Variants in TTC3 observed in about 807,000 individuals in gnomAD.
TTC3 encodes tetratricopeptide repeat domain 3.
A neutral mutation model predicts 249.6 loss-of-function variants in TTC3; 180 were observed. The ratio of observed to expected loss-of-function variants is 0.72; its 90% CI spans 0.64 to 0.82. TTC3 has a LOEUF of 0.82. Ranked by LOEUF, TTC3 falls within the 40% of genes least tolerant of loss-of-function variation. The probability of loss-of-function intolerance (pLI) is 0.00; values close to 1 mark genes in which losing one functional copy is unlikely to be tolerated. For synonymous variants in TTC3, 717 were observed against 805.0 expected (o/e 0.89, Z 1.85); for missense variants, 2,061 against 2,398.4 (o/e 0.86, Z 2.94).
rs1049476744 is a variant in TTC3 at position 37,148,746 on chromosome 21, A to G, written c.2118+99A>G. 4.2e-6 allele frequency: 3 copies of G among 707,586 alleles called. No individual in the cohort carries two copies. In the African/African-American group the frequency reaches 5.6e-5, roughly 13 times the overall value. The allele number at this position is 707,586 out of a possible 1,614,324, so 43.8% of individuals were successfully genotyped here. On this transcript the variant is annotated intron_variant, in intron 23 of 45. Coordinates refer to ENST00000355666, the Ensembl canonical transcript of TTC3. ...CCTGAACATTCTGCACATAATTAGA[A>G]AATTTTAAATTATAACTTTAATAAT...
rs564322623 is a variant in TTC3 at position 37,139,308 on chromosome 21, A to T, written c.1659+594A>T. On this transcript the variant is annotated intron_variant, in intron 19 of 45. Transcript: ENST00000355666. ...TAGATTGCAGGCTTCCTATAACTGC[A>T]TGTAGTCAGTGTATAGACATGAGCT... is the stretch of plus-strand genomic sequence containing the variant. Among the ~76,000 whole-genome samples, 4 of 152,276 alleles carry T rather than the reference A, an allele frequency of 2.6e-5. No individual in the cohort carries two copies. The East Asian group carries it at 7.7e-4, about 29-fold the overall frequency.
At chr21:37,153,234 G>A in exon 27 of TTC3, 1 of 1,613,826 alleles carries the variant, frequency 6.2e-7, no homozygotes, top group East Asian at 2.2e-5. Context: ...TTAAAGAAGT[G>A]GAGCCCAAAT....
chr21:37,163,970 A>G, intron 31 of TTC3, 81 bp from the exon 32 acceptor site: 1 of 1,464,408 alleles, frequency 6.8e-7, no homozygotes, highest in Non-Finnish European at 9.2e-7. Flanking sequence ...TGTTTATTTC[A>G]ATTAGACATT....
chr21:37,126,617 G>A (rs1355713106), intron 15 of TTC3, among the ~76,000 whole-genome samples: 1 of 152,146 alleles, frequency 6.6e-6, no homozygotes, highest in Admixed American at 6.5e-5. Flanking sequence ...TATTGGGGGT[G>A]ATATCACCCA....
rs1207238905 is a variant in TTC3 at position 37,188,493 on chromosome 21, A to G, written c.4924-2A>G. 6.2e-7 allele frequency: 1 copy of G among 1,611,714 alleles called. No homozygotes were observed. The highest frequency in any genetic ancestry group is 8.5e-7 in the Non-Finnish European group (1 of 1,178,304). On this transcript the variant is annotated splice_acceptor_variant, in intron 38 of 45. Coordinates refer to ENST00000355666, the Ensembl canonical transcript of TTC3. LOFTEE classifies it high-confidence loss of function. ...CTCATATGTCTTCTGATCTACTGGC[A>G]GGTATCCGTACTTGAAAACTGGAAG...
intron 10 of TTC3, among the ~76,000 whole-genome samples, chr21:37,099,399 A>G (rs1003718619): frequency 6.6e-6 from 1 of 152,222 alleles, no homozygotes; most frequent in Non-Finnish European, 1.5e-5. Context: ...GTCTGAGGAC[A>G]CTAGGTGGAT....
At chr21:37,097,840 G>T in intron 10 of TTC3, 2 of 599,296 alleles carry the variant, frequency 3.3e-6, no homozygotes, top group Non-Finnish European at 6.1e-6. Flanking sequence ...GAGGGTGGGA[G>T]TGGGGAAGGT....
chr21:37,088,340 A>G, exon 4 of TTC3: 1 of 1,611,422 alleles, frequency 6.2e-7, no homozygotes, highest in Non-Finnish European at 8.5e-7. Flanking sequence ...CCCTGTGTGG[A>G]CGCCAAGTAA....
At chr21:37,155,430 A>G (rs905044665) in intron 27 of TTC3, among the ~76,000 whole-genome samples, 4 of 152,112 alleles carry the variant, frequency 2.6e-5, no homozygotes, top group African/African-American at 4.8e-5. Context: ...GGAATGTGCT[A>G]TTTTTTCATT....
intron 42 of TTC3, among the ~76,000 whole-genome samples, chr21:37,197,118 A>T (rs1157469599): frequency 6.6e-6 from 1 of 152,254 alleles, no homozygotes; most frequent in Non-Finnish European, 1.5e-5. Flanking sequence ...TTTCTGAGAC[A>T]GTGTTAATTA....
At chr21:37,178,486 C>T (rs1303728848) in intron 35 of TTC3, among the ~76,000 whole-genome samples, 1 of 152,124 alleles carries the variant, frequency 6.6e-6, no homozygotes, top group Non-Finnish European at 1.5e-5. Flanking sequence ...TTTATTTAGG[C>T]CTCCTAATGG....
chr21:37,167,474 T>C (rs2081351009), intron 33 of TTC3, 81 bp from the exon 34 acceptor site: 32 of 1,076,774 alleles, frequency 3.0e-5, no homozygotes, highest in Non-Finnish European at 4.2e-5. Flanking sequence ...GTGGGTGTGT[T>C]TTAAAGTGTT....
intron 11 of TTC3, among the ~76,000 whole-genome samples, chr21:37,112,773 A>G (rs1297618182): frequency 6.6e-6 from 1 of 152,212 alleles, no homozygotes; most frequent in East Asian, 1.9e-4. Context: ...CTTGATGAAC[A>G]TTGATGCAAA....
chr21:37,075,874 GTATT>G (rs1344978222), intron 1 of TTC3, among the ~76,000 whole-genome samples: 5 of 151,972 alleles, frequency 3.3e-5, no homozygotes, highest in Admixed American at 3.3e-4. Context: ...TTAATTAAAA[GTATT>G]TTTTTTCTTA....
chr21:37,138,020 G>A (rs1448396368), intron 18 of TTC3, among the ~76,000 whole-genome samples: 4 of 152,046 alleles, frequency 2.6e-5, no homozygotes, highest in African/African-American at 7.2e-5. Context: ...ATGTATCCCA[G>A]AACTTAAAGT....
In TTC3 at chr21:37,114,543, A is replaced by G. The variant is rs200907666; in HGVS notation, c.900+6097A>G. 1.1e-4 allele frequency among the ~76,000 whole-genome samples: 16 copies of G among 152,224 alleles called. No homozygotes were observed. In the East Asian group the frequency reaches 2.7e-3, roughly 26 times the overall value. On this transcript the variant is annotated intron_variant, in intron 11 of 45. Transcript: ENST00000355666. ...AAAGTCAAGAAACAACAGGTGCTGGAGAGGATGTGGAGAAATAGGAACACT... is the reference window on the plus strand; with the variant it reads ...AAAGTCAAGAAACAACAGGTGCTGGGGAGGATGTGGAGAAATAGGAACACT...
exon 36 of TTC3, chr21:37,182,800 C>G: frequency 1.3e-6 from 2 of 1,592,942 alleles, no homozygotes; most frequent in Non-Finnish European, 1.7e-6. Flanking sequence ...TAGATTGGTT[C>G]CTTCAAGATT....
At chr21:37,184,873 A>G (rs1418815062) in intron 36 of TTC3, among the ~76,000 whole-genome samples, 1 of 152,176 alleles carries the variant, frequency 6.6e-6, no homozygotes, top group African/African-American at 2.4e-5. Context: ...GAGATGCACA[A>G]GGGACATGAA....
At chr21:37,179,481 A>G (rs990348481) in intron 35 of TTC3, among the ~76,000 whole-genome samples, 3 of 152,082 alleles carry the variant, frequency 2.0e-5, no homozygotes, top group Non-Finnish European at 4.4e-5. Context: ...ACTAAGTCCA[A>G]TTTCTCTTAT....
Sources: allele counts gnomAD v4.1 joint callset (sites outside exome capture counted in the v4.1 genomes callset), GRCh38; gene constraint gnomAD v4.1.1; transcripts MANE v1.5; gene names NCBI Gene and HGNC (gene_info 2026-07-23, HGNC 2026-07-21).